The following CACNB2 variants were observed in gnomAD, a reference collection of about 807,000 sequenced individuals.
CACNB2 encodes the protein calcium voltage-gated channel auxiliary subunit beta 2, also known as voltage-dependent L-type calcium channel subunit beta-2.
A neutral mutation model predicts 73.3 loss-of-function variants in CACNB2; 42 were observed. The observed-to-expected ratio is 0.57, with a 90% CI of 0.45 to 0.74. CACNB2 has a LOEUF of 0.74. Ranked by LOEUF, CACNB2 falls within the 30% of genes least tolerant of loss-of-function variation. The pLI is 0.00. For missense variants in CACNB2, 940 were observed against 853.0 expected (o/e 1.10, Z -1.27); for synonymous variants, 348 against 310.3 (o/e 1.12, Z -1.28).
intron 2 of CACNB2, among the ~76,000 whole-genome samples, chr10:18,172,486 T>G (rs1395429778): frequency 6.6e-6 from 1 of 152,194 alleles, no homozygotes; most frequent in Non-Finnish European, 1.5e-5. Context: ...TTCCACGCAT[T>G]GTTTTTTTGT....
chr10:18,498,103 T>G (rs1344143837), intron 3 of CACNB2, among the ~76,000 whole-genome samples: 1 of 152,218 alleles, frequency 6.6e-6, no homozygotes, highest in Admixed American at 6.5e-5. Flanking sequence ...CTTCTTCACC[T>G]TCATTACTTG....
intron 3 of CACNB2, among the ~76,000 whole-genome samples, chr10:18,458,752 A>T (rs1008029223): frequency 6.6e-6 from 1 of 150,934 alleles, no homozygotes; most frequent in Admixed American, 6.7e-5. Context: ...GTAGGAAAAA[A>T]GTAAGGTGAA....
At chr10:18,240,786 C>T (rs1164618254) in intron 2 of CACNB2, among the ~76,000 whole-genome samples, 1 of 152,062 alleles carries the variant, frequency 6.6e-6, no homozygotes, top group African/African-American at 2.4e-5. Flanking sequence ...ATGCCTCCTT[C>T]CCTTTTCTCC....
chr10:18,414,328 A>G (rs1238281333), intron 3 of CACNB2, among the ~76,000 whole-genome samples: 1 of 152,196 alleles, frequency 6.6e-6, no homozygotes, highest in Non-Finnish European at 1.5e-5. Flanking sequence ...AGTAACACCA[A>G]GTACTTGGGA....
At chr10:18,295,717 G>A (rs1478607329) in intron 2 of CACNB2, among the ~76,000 whole-genome samples, 1 of 152,112 alleles carries the variant, frequency 6.6e-6, no homozygotes, top group Non-Finnish European at 1.5e-5. Context: ...TCAGAATTTT[G>A]GAGTTTGCTT....
At chr10:18,347,344 A>ATTT (rs201654242) in intron 2 of CACNB2, among the ~76,000 whole-genome samples, 8,049 of 119,198 alleles carry the variant, frequency 0.068, 485 homozygotes, top group East Asian at 0.18. Context: ...TGCCCGTCTA[A>ATTT]TTTTTTTTTT....
chr10:18,503,729 G>T (rs2050335291), intron 5 of CACNB2, among the ~76,000 whole-genome samples: 1 of 152,144 alleles, frequency 6.6e-6, no homozygotes, highest in Non-Finnish European at 1.5e-5. Flanking sequence ...TTTTAGTTAG[G>T]ACAATTCAGC....
At chr10:18,387,837 G>T (rs948390503) in intron 2 of CACNB2, among the ~76,000 whole-genome samples, 1 of 151,770 alleles carries the variant, frequency 6.6e-6, no homozygotes, top group Non-Finnish European at 1.5e-5. Flanking sequence ...GCTTACTGCA[G>T]CCTTCACCTC....
intron 3 of CACNB2, among the ~76,000 whole-genome samples, chr10:18,468,349 T>C (rs2048008939): frequency 6.6e-6 from 1 of 152,032 alleles, no homozygotes; most frequent in Admixed American, 6.6e-5. Context: ...TAGTTTCAGC[T>C]ACTTGGGAGG....
intron 9 of CACNB2, among the ~76,000 whole-genome samples, chr10:18,523,394 G>A (rs527358533): frequency 9.8e-5 from 15 of 152,340 alleles, no homozygotes; most frequent in South Asian, 6.2e-4. Flanking sequence ...GCCAGAGAGG[G>A]TGGATTTTGG....
rs141066934 is a variant in CACNB2 at position 18,515,255 on chromosome 10, C to T, written c.804+886C>T. Among the ~76,000 whole-genome samples, 105 of 152,196 alleles carry T rather than the reference C, an allele frequency of 6.9e-4. 4 individuals carry two copies. In the South Asian group the frequency reaches 0.011, roughly 16 times the overall value. On this transcript the variant is annotated intron_variant, in intron 7 of 13. Coordinates refer to ENST00000324631, the MANE Select transcript of CACNB2 (RefSeq NM_201596.3). ...TGAGCTCTCCTTACTTCAGACAAAG[C>T]CTTTTCCTCACCCATTTTGTAGCTT... is the stretch of plus-strand genomic sequence containing the variant.
intron 3 of CACNB2, among the ~76,000 whole-genome samples, chr10:18,491,076 C>G (rs570402581): frequency 3.9e-5 from 6 of 152,290 alleles, no homozygotes; most frequent in Non-Finnish European, 5.9e-5. Flanking sequence ...TCTGGAACAC[C>G]AAGATTTTTT....
At chr10:18,221,054 C>T (rs1418461624) in intron 2 of CACNB2, among the ~76,000 whole-genome samples, 2 of 152,132 alleles carry the variant, frequency 1.3e-5, no homozygotes, top group African/African-American at 4.8e-5. Flanking sequence ...TTCTGCCTGC[C>T]TGGCTCTTTT....
At chr10:18,280,028 G>A (rs1277739) in intron 2 of CACNB2, among the ~76,000 whole-genome samples, 65,354 of 152,036 alleles carry the variant, frequency 0.43, 15,066 homozygotes, top group East Asian at 0.59. Flanking sequence ...GCTGTGAGCC[G>A]AGATCGCACT....
At chr10:18,329,900 C>T (rs567687461) in intron 2 of CACNB2, among the ~76,000 whole-genome samples, 6 of 152,044 alleles carry the variant, frequency 3.9e-5, no homozygotes, top group South Asian at 2.1e-4. Flanking sequence ...TGCAGTGGTG[C>T]GATCTCGGCT....
At chr10:18,223,028 T>C (rs879634468) in intron 2 of CACNB2, among the ~76,000 whole-genome samples, 1 of 152,188 alleles carries the variant, frequency 6.6e-6, no homozygotes, top group Non-Finnish European at 1.5e-5. Flanking sequence ...GTGTGTTACA[T>C]AAATGACTCA....
intron 2 of CACNB2, among the ~76,000 whole-genome samples, chr10:18,267,016 ATGTG>A (rs927744620): frequency 6.6e-6 from 1 of 151,522 alleles, no homozygotes; most frequent in Non-Finnish European, 1.5e-5. Flanking sequence ...GTGTGTATAT[ATGTG>A]TGTGTGTGTG....
rs1228435814 is a variant in CACNB2, at chr10:18,540,263, AGTACTGT to A, written c.*547_*553del. ...AGTTAGAATCTATTTTCTATGTACT[AGTACTGT>A]GTACTGTATAGACAGTTTGTAAATG... On this transcript the variant is annotated 3_prime_UTR_variant, in exon 14 of 14. Coordinates refer to ENST00000324631, the MANE Select transcript of CACNB2 (RefSeq NM_201596.3). 28 of 167,288 alleles carry A rather than the reference AGTACTGT, an allele frequency of 1.7e-4. No individual in the cohort carries two copies. The highest frequency in any genetic ancestry group is 1.3e-4 in the Non-Finnish European group (10 of 76,372). The allele number at this position is 167,288 out of a possible 1,614,324, so 10.4% of individuals were successfully genotyped here.
rs1158527717 is a variant in CACNB2 at position 18,512,668 on chromosome 10, A to AT, written c.671-1563dup. 9.9e-5 allele frequency among the ~76,000 whole-genome samples: 15 copies of AT among 152,266 alleles called. No individual in the cohort carries two copies. The East Asian group carries it at 2.7e-3, about 27-fold the overall frequency. On this transcript the variant is annotated intron_variant, in intron 6 of 13. Coordinates refer to ENST00000324631, the MANE Select transcript of CACNB2 (RefSeq NM_201596.3). ...AAATAGGAAACACTACAATCAACAC[A>AT]TTTTTGCCAAGGAGAAATAAGTGTG...
Sources: gnomAD v4.1 joint callset for allele counts (sites outside exome capture counted in the v4.1 genomes callset) on GRCh38, gnomAD v4.1.1 for gene constraint, MANE v1.5 for transcripts, NCBI Gene and HGNC (gene_info 2026-07-23, HGNC 2026-07-21) for gene names.